The following SEC31A variants were observed in gnomAD, a reference collection of about 807,000 sequenced individuals.
The protein encoded by SEC31A is protein transport protein Sec31A.
SEC31A carries 70 observed loss-of-function variants against 151.0 expected under a neutral mutation model. The observed-to-expected ratio is 0.46, with a 90% CI of 0.38 to 0.57. The LOEUF (loss-of-function observed/expected upper bound fraction) is 0.57. Ranked by LOEUF, SEC31A falls within the 20% of genes least tolerant of loss-of-function variation. The pLI, the probability that SEC31A is intolerant of heterozygous loss-of-function variation, is 0.00. For synonymous variants in SEC31A, 475 were observed against 505.9 expected (o/e 0.94, Z 0.82); for missense variants, 1,330 against 1,471.2 (o/e 0.90, Z 1.57).
At chr4:82,851,404 A>G (rs1337606287) in intron 19 of SEC31A, 27 bp downstream of exon 19, 1 of 1,592,210 alleles carries the variant, frequency 6.3e-7, no homozygotes, top group Non-Finnish European at 8.6e-7. Flanking sequence ...TTACTCAAAC[A>G]TTACAAAAAT....
At chr4:82,887,616 A>G (rs1287720736) in intron 1 of SEC31A, among the ~76,000 whole-genome samples, 2 of 152,238 alleles carry the variant, frequency 1.3e-5, no homozygotes, top group Non-Finnish European at 2.9e-5. Flanking sequence ...TAAGGAGAAC[A>G]GTATCTATAC....
chr4:82,871,911 C>T (rs759701367), intron 7 of SEC31A, 33 bp downstream of exon 7: 1 of 1,613,320 alleles, frequency 6.2e-7, no homozygotes, highest in Non-Finnish European at 8.5e-7. Flanking sequence ...AGAAAATAAA[C>T]AAATCAAGTT....
At position 82,864,611 on chromosome 4, in the gene SEC31A, G is replaced by C. The variant is rs1185066270; in HGVS notation, c.1198-13C>G. 1 of 1,609,770 alleles carries C rather than the reference G, an allele frequency of 6.2e-7. No homozygotes were observed. Among genetic ancestry groups the C allele is most frequent in the South Asian group, 1.1e-5 (1 of 90,912 alleles). On this transcript the variant is annotated splice_polypyrimidine_tract_variant and intron_variant, in intron 10 of 26. Coordinates refer to ENST00000395310, the MANE Select transcript of SEC31A (RefSeq NM_001077207.4). ...GTTTGCCTCCAAACTATAAAAGAGAGAATGAACAAACTCAGTGTTAACCCA... is the reference window on the plus strand; with the variant it reads ...GTTTGCCTCCAAACTATAAAAGAGACAATGAACAAACTCAGTGTTAACCCA...
intron 24 of SEC31A, among the ~76,000 whole-genome samples, chr4:82,827,074 A>G (rs948634311): frequency 4.6e-5 from 7 of 152,226 alleles, no homozygotes; most frequent in African/African-American, 1.7e-4. Flanking sequence ...GCTTTTGCTT[A>G]GCAACCTCAC....
intron 14 of SEC31A, among the ~76,000 whole-genome samples, chr4:82,860,635 G>A (rs1271522489): frequency 3.8e-5 from 5 of 131,998 alleles, no homozygotes; most frequent in Non-Finnish European, 8.7e-5. Context: ...ACCACGCCTG[G>A]CTAATTTTTT....
intron 3 of SEC31A, among the ~76,000 whole-genome samples, chr4:82,896,965 ACTC>A (rs1043489840): frequency 3.3e-5 from 5 of 151,974 alleles, no homozygotes; most frequent in African/African-American, 9.7e-5. Context: ...ACAGGCTTCT[ACTC>A]CTCATCAGCA....
At chr4:82,862,124 G>C (rs1170401322) in intron 13 of SEC31A, among the ~76,000 whole-genome samples, 1 of 151,024 alleles carries the variant, frequency 6.6e-6, no homozygotes, top group Non-Finnish European at 1.5e-5. Context: ...TGTTGGTCAG[G>C]CTGGTCTTGA....
chr4:82,846,198 T>C (rs1236679274), intron 20 of SEC31A, among the ~76,000 whole-genome samples: 1 of 151,744 alleles, frequency 6.6e-6, no homozygotes, highest in East Asian at 1.9e-4. Flanking sequence ...AGAGACGGGG[T>C]TTCACTGTGT....
In SEC31A at chr4:82,829,061, A is replaced by T; in HGVS notation, c.2969-3T>A. ...GTCATTCCAACCATTCTGAGGACCT[A>T]TAACAGATAACAGAGAATGTTTTCC... On this transcript the variant is annotated splice_polypyrimidine_tract_variant and splice_region_variant and intron_variant, in intron 22 of 26. Transcript: ENST00000395310. 1 of 1,608,946 alleles carries T rather than the reference A, an allele frequency of 6.2e-7. No homozygotes were observed. Among genetic ancestry groups the T allele is most frequent in the Non-Finnish European group, 8.5e-7 (1 of 1,175,510 alleles).
At position 82,874,644 on chromosome 4, in the gene SEC31A, C is replaced by G. The variant is rs892239545; in HGVS notation, c.606G>C (p.Glu202Asp). Residue 202 changes from glutamate (E) to aspartate (D), a missense_variant, in exon 6 of 27, where the codon GAG becomes GAC. By Grantham distance (45) the Glu-to-Asp change is conservative. Coordinates refer to ENST00000395310, the MANE Select transcript of SEC31A (RefSeq NM_001077207.4). ...RATVWDLRKN[E>D]PIIKVSDHSN... ...TATGGTCACTGACTTTGATGATTGGCTCATTTTTTCTAAGATCCCATACAG... is the reference window on the plus strand; with the variant it reads ...TATGGTCACTGACTTTGATGATTGGGTCATTTTTTCTAAGATCCCATACAG... The G allele has an allele frequency of 2.5e-6, 4 of 1,610,610 alleles. No homozygotes were observed. Among genetic ancestry groups the G allele is most frequent in the Admixed American group, 3.4e-5 (2 of 58,494 alleles).
At chr4:82,853,154 T>C (rs1368617948) in intron 18 of SEC31A, among the ~76,000 whole-genome samples, 1 of 152,160 alleles carries the variant, frequency 6.6e-6, no homozygotes, top group East Asian at 1.9e-4. Flanking sequence ...TCCATTTACC[T>C]CTCACTTTCA....
Position 82,819,071 on chromosome 4 carries a change from C to A in SEC31A, c.*3G>T. 1 of 1,583,932 alleles carries A rather than the reference C, an allele frequency of 6.3e-7. No individual in the cohort carries two copies. Among genetic ancestry groups the A allele is most frequent in the Admixed American group, 1.9e-5 (1 of 53,764 alleles). On this transcript the variant is annotated 3_prime_UTR_variant, in exon 27 of 27. Coordinates refer to ENST00000395310, the MANE Select transcript of SEC31A (RefSeq NM_001077207.4). ...AATATTGAGTGGAAGAGAAGCTGTC[C>A]TTTTAGACACCCAGCTTATTGGCCT... is the stretch of plus-strand genomic sequence containing the variant.
chr4:82,888,177 C>G (rs1380619483), intron 1 of SEC31A, among the ~76,000 whole-genome samples: 1 of 141,886 alleles, frequency 7.0e-6, no homozygotes, highest in Admixed American at 7.3e-5. Context: ...AAGTTCGGGA[C>G]CAGCCTGGCC....
intron 23 of SEC31A, among the ~76,000 whole-genome samples, chr4:82,828,000 C>T (rs1323111448): frequency 2.0e-5 from 3 of 152,120 alleles, no homozygotes; most frequent in South Asian, 4.2e-4. Flanking sequence ...CTGCAACCTC[C>T]GCCTCCCAGG....
intron 8 of SEC31A, among the ~76,000 whole-genome samples, chr4:82,867,772 A>G (rs1358634659): frequency 1.3e-5 from 2 of 152,182 alleles, no homozygotes; most frequent in Admixed American, 1.3e-4. Context: ...AGCTGGGATT[A>G]CAGGCGCCCA....
In SEC31A at chr4:82,880,985, A is replaced by G. The variant is rs908798144; in HGVS notation, c.80-63T>C. 3 of 1,404,132 alleles carry G rather than the reference A, an allele frequency of 2.1e-6. No homozygotes were observed. The Admixed American group carries it at 6.2e-5, about 29-fold the overall frequency. 87.0% of individuals were successfully genotyped at this position (1,404,132 alleles called of 1,614,324 possible). On this transcript the variant is annotated intron_variant, in intron 2 of 26. Coordinates refer to ENST00000395310, the MANE Select transcript of SEC31A (RefSeq NM_001077207.4). ...AATAAAAGATCAGAGAAACCATACA[A>G]AACAGAAGTTAAAAGCATGTTTTCC...
chr4:82,891,353 C>T (rs1345045225), upstream of SEC31A: 2 of 641,914 alleles, frequency 3.1e-6, no homozygotes, highest in Non-Finnish European at 5.3e-6. Context: ...TGGTGGCGCT[C>T]TGCGGTCATC....
intron 1 of SEC31A, among the ~76,000 whole-genome samples, chr4:82,883,782 TTGCGCCAC>T (rs1482147020): frequency 6.6e-6 from 1 of 151,710 alleles, no homozygotes; most frequent in East Asian, 1.9e-4. Context: ...TGAGCCGTGA[TTGCGCCAC>T]TGCAATCCAG....
At chr4:82,839,821 T>C (rs1383487199) in intron 22 of SEC31A, among the ~76,000 whole-genome samples, 1 of 152,242 alleles carries the variant, frequency 6.6e-6, no homozygotes, top group Non-Finnish European at 1.5e-5. Flanking sequence ...ACTCTGTTTC[T>C]CAGCCAGGTT....
Sources: allele counts gnomAD v4.1 joint callset (sites outside exome capture counted in the v4.1 genomes callset), GRCh38; gene constraint gnomAD v4.1.1; transcripts MANE v1.5; gene names NCBI Gene and HGNC (gene_info 2026-07-23, HGNC 2026-07-21).